SLF2: variants seen among roughly 807,000 people sequenced by gnomAD.
The protein encoded by SLF2 is SMC5-SMC6 complex localization factor protein 2.
SLF2 carries 68 observed loss-of-function variants against 124.3 expected under a neutral mutation model. The observed-to-expected ratio is 0.55, with a 90% CI of 0.45 to 0.67. The LOEUF (loss-of-function observed/expected upper bound fraction) is 0.67. Ranked by LOEUF, SLF2 falls within the 30% of genes least tolerant of loss-of-function variation. The pLI, the probability that SLF2 is intolerant of heterozygous loss-of-function variation, is 0.00. For missense variants in SLF2, 1,246 were observed against 1,373.7 expected (o/e 0.91, Z 1.47); for synonymous variants, 480 against 478.8 (o/e 1.00, Z -0.03).
intron 17 of SLF2, among the ~76,000 whole-genome samples, chr10:100,953,151 G>A (rs1850252753): frequency 6.6e-6 from 1 of 150,880 alleles, no homozygotes; most frequent in Admixed American, 6.6e-5. Context: ...AAGTAGCTGG[G>A]ATCACAGGCG....
At chr10:100,948,108 A>C (rs943520399) in intron 15 of SLF2, among the ~76,000 whole-genome samples, 1 of 152,270 alleles carries the variant, frequency 6.6e-6, no homozygotes, top group Admixed American at 6.5e-5. Context: ...CTACTGGGAA[A>C]ATCATAATGT....
At chr10:100,935,679 C>CAA (rs34370757) in intron 9 of SLF2, among the ~76,000 whole-genome samples, 3 of 140,844 alleles carry the variant, frequency 2.1e-5, no homozygotes, top group African/African-American at 7.8e-5. Context: ...GACTCTGTCT[C>CAA]AAAAAAAAAA....
chr10:100,962,874 T>G lies in SLF2; in HGVS notation c.*962T>G, dbSNP rs1322796877. 6.6e-6 allele frequency: 1 copy of G among 151,802 alleles called. No individual in the cohort carries two copies. Among genetic ancestry groups the G allele is most frequent in the Non-Finnish European group, 1.5e-5 (1 of 67,906 alleles). 9.4% of individuals were successfully genotyped at this position (151,802 alleles called of 1,614,324 possible). On this transcript the variant is annotated 3_prime_UTR_variant, in exon 20 of 20. Transcript: ENST00000238961. ...GTGTGTGTGTGTGTGTGTGTGCGCT[T>G]GTATCTTGAAGTTGTTGCACTTCAA...
chr10:100,937,849 A>T (rs1399571420), intron 10 of SLF2, among the ~76,000 whole-genome samples: 1 of 152,096 alleles, frequency 6.6e-6, no homozygotes, highest in Non-Finnish European at 1.5e-5. Context: ...AGCTCGGGCA[A>T]TTTACCCATC....
chr10:100,956,474 G>A lies in SLF2; in HGVS notation c.3354G>A (p.Gly1118=). 2 of 1,613,240 alleles carry A rather than the reference G, an allele frequency of 1.2e-6. No individual in the cohort carries two copies. Among genetic ancestry groups the A allele is most frequent in the Non-Finnish European group, 1.7e-6 (2 of 1,179,712 alleles). ...GQRKHFVLLC[G]ALEKHVKCDI... is the part of the protein sequence containing the mutation. ...AGAAACACTTTGTGCTACTCTGTGG[G>A]GCTTTGGAAAAGCATGTTAAATGTG... is the stretch of plus-strand genomic sequence containing the variant. The change falls in exon 18 of 20, where the codon GGG becomes GGA. Residue 1118 remains glycine (G), a synonymous_variant. Transcript: ENST00000238961.
intron 15 of SLF2, among the ~76,000 whole-genome samples, chr10:100,948,844 C>T (rs1337628682): frequency 6.6e-6 from 1 of 152,172 alleles, no homozygotes; most frequent in Non-Finnish European, 1.5e-5. Flanking sequence ...CGAGATCACG[C>T]CACCGCACTC....
intron 6 of SLF2, among the ~76,000 whole-genome samples, chr10:100,928,045 C>CCACA (rs1214543662): frequency 3.1e-3 from 41 of 13,256 alleles, no homozygotes; most frequent in African/African-American, 6.4e-3. Context: ...CCCCCCCCCC[C>CCACA]CACACACACA....
chr10:100,964,549 A>C lies in SLF2; in HGVS notation c.*2637A>C, dbSNP rs2133842996. On this transcript the variant is annotated 3_prime_UTR_variant, in exon 20 of 20. Transcript: ENST00000238961. ...TCCTGATGGCAGTGGTGCCTTTGTC[A>C]CCTTTTGGAAGGTTTGCATTTTGTT... The C allele has an allele frequency of 6.5e-6, 1 of 152,722 alleles. No homozygotes were observed. The highest frequency in any genetic ancestry group is 2.1e-4 in the South Asian group (1 of 4,826). 9.5% of individuals were successfully genotyped at this position (152,722 alleles called of 1,614,324 possible).
chr10:100,949,678 C>T (rs1850174012), intron 15 of SLF2, among the ~76,000 whole-genome samples: 1 of 152,030 alleles, frequency 6.6e-6, no homozygotes, highest in East Asian at 1.9e-4. Context: ...TCACTGCAAC[C>T]TCCACCCCGC....
At chr10:100,913,508 A>G in intron 1 of SLF2, 1 of 1,253,754 alleles carries the variant, frequency 8.0e-7, no homozygotes. Context: ...TTAGGTAGAA[A>G]GAAAGTGATT....
intron 15 of SLF2, among the ~76,000 whole-genome samples, chr10:100,948,417 A>T (rs11190765): frequency 1.3e-5 from 2 of 152,104 alleles, no homozygotes; most frequent in Non-Finnish European, 2.9e-5. Context: ...GATCCTTTGA[A>T]TCCAGGAGTT....
intron 19 of SLF2, among the ~76,000 whole-genome samples, chr10:100,961,519 C>T (rs1850427519): frequency 6.6e-6 from 1 of 152,084 alleles, no homozygotes; most frequent in African/African-American, 2.4e-5. Flanking sequence ...TTGTTTCTAA[C>T]CTTAATAGAT....
Position 100,950,062 on chromosome 10 carries a change from C to G in SLF2, c.3121-14C>G. On this transcript the variant is annotated splice_polypyrimidine_tract_variant and intron_variant, in intron 15 of 19. Transcript: ENST00000238961. Reference sequence around the variant, plus strand: ...TATTTAGCTTTGTTCAATGTCTCCTCTTTCTTTTGATAGGTATCAGTCCTA... The same window carrying G: ...TATTTAGCTTTGTTCAATGTCTCCTGTTTCTTTTGATAGGTATCAGTCCTA... 1.3e-6 allele frequency: 2 copies of G among 1,550,372 alleles called. No homozygotes were observed. The highest frequency in any genetic ancestry group is 1.7e-6 in the Non-Finnish European group (2 of 1,146,268).
Position 100,924,624 on chromosome 10 carries a change from TG to T in SLF2, c.1628del (p.Gly543AspfsTer51), listed in dbSNP as rs1361302739. 1.2e-6 allele frequency: 2 copies of T among 1,614,028 alleles called. No homozygotes were observed. Among genetic ancestry groups the T allele is most frequent in the South Asian group, 2.2e-5 (2 of 91,088 alleles). ...DSNVSSGKISGGPLRSEYGTP... is the reference protein window; with the variant it reads ...DSNVSSGKISXGPLRSEYGTP... ...CTAATGTATCTTCAGGGAAAATTTC[TG>T]GGGGACCTTTGCGCTCAGAATATGG... On this transcript the variant is annotated frameshift_variant, in exon 5 of 20. Coordinates refer to ENST00000238961, the MANE Select transcript of SLF2 (RefSeq NM_018121.4). LOFTEE classifies it high-confidence loss of function.
In SLF2 at chr10:100,926,119, G is replaced by A. The variant is rs188024108; in HGVS notation, c.2042+100G>A. ...TTTTAAAAAATCATGAGAAATTAGC[G>A]TGCATTTTGGACTCTGTTGTCAACT... On this transcript the variant is annotated intron_variant, in intron 6 of 19. Transcript: ENST00000238961. 2.5e-3 allele frequency: 3,907 copies of A among 1,591,724 alleles called. 6 individuals carry two copies. The highest frequency in any genetic ancestry group is 6.5e-3 in the Middle Eastern group (39 of 6,026).
intron 11 of SLF2, among the ~76,000 whole-genome samples, chr10:100,939,390 G>A (rs1157607459): frequency 6.6e-6 from 1 of 150,776 alleles, no homozygotes; most frequent in African/African-American, 2.4e-5. Flanking sequence ...AAAAAAAAAA[G>A]GTGGGGGCCA....
Position 100,931,028 on chromosome 10 carries a change from G to C in SLF2, c.2386G>C (p.Ala796Pro), listed in dbSNP as rs776193329. ...FLTTQGFLTS[A>P]YHYVQCPVPV... is the part of the protein sequence containing the mutation. The stretch of plus-strand genomic sequence containing the variant: ...GACAACACAAGGTTTCCTTACGTCT[G>C]CTTATCACTATGTCCAGTGTCCTGT... The change falls in exon 9 of 20, where the codon GCT (alanine) becomes CCT (proline). Residue 796 changes from alanine to proline, a missense_variant. Physicochemically the swap from Ala to Pro is conservative, Grantham distance 27. Coordinates refer to ENST00000238961, the MANE Select transcript of SLF2 (RefSeq NM_018121.4). 1.7e-5 allele frequency: 27 copies of C among 1,614,090 alleles called. No homozygotes were observed. The Admixed American group carries it at 4.2e-4, about 25-fold the overall frequency.
intron 5 of SLF2, 35 bp from the exon 6 acceptor site, chr10:100,925,914 A>G: frequency 6.5e-7 from 1 of 1,534,076 alleles, no homozygotes; most frequent in Non-Finnish European, 8.8e-7. Context: ...CTACTAAGAC[A>G]TGTGGTAAAG....
Position 100,963,494 on chromosome 10 carries a change from C to G in SLF2, c.*1582C>G, listed in dbSNP as rs1850461113. On this transcript the variant is annotated 3_prime_UTR_variant, in exon 20 of 20. Coordinates refer to ENST00000238961, the MANE Select transcript of SLF2 (RefSeq NM_018121.4). ...ATACTACCTCTCAAGGGTATTGTTA[C>G]AAAATGCCACTTATGGTTAAAGAGA... 6.6e-6 allele frequency: 1 copy of G among 152,588 alleles called. No homozygotes were observed. Among genetic ancestry groups the G allele is most frequent in the South Asian group, 2.1e-4 (1 of 4,830 alleles). The allele number at this position is 152,588 out of a possible 1,614,324, so 9.5% of individuals were successfully genotyped here.
Sources: allele counts gnomAD v4.1 joint callset (sites outside exome capture counted in the v4.1 genomes callset), GRCh38; gene constraint gnomAD v4.1.1; transcripts MANE v1.5; gene names NCBI Gene and HGNC (gene_info 2026-07-23, HGNC 2026-07-21).